Variants in BLZF1 observed in about 807,000 individuals in gnomAD.
BLZF1 encodes basic leucine zipper nuclear factor 1.
Under a neutral mutation model 43.8 loss-of-function variants are expected in BLZF1, and 39 were observed. That is an observed-to-expected ratio of 0.89 (90% CI 0.69 to 1.16). The LOEUF (loss-of-function observed/expected upper bound fraction) is 1.16. Ranked by LOEUF, BLZF1 falls within the 50% of genes most tolerant of loss-of-function variation. BLZF1 has a pLI of 0.00. For synonymous variants in BLZF1, 136 were observed against 159.4 expected (o/e 0.85, Z 1.11); for missense variants, 449 against 469.8 (o/e 0.96, Z 0.41).
intron 1 of BLZF1, among the ~76,000 whole-genome samples, chr1:169,368,567 C>T (rs1469681178): frequency 6.6e-6 from 1 of 152,202 alleles, no homozygotes; most frequent in African/African-American, 2.4e-5. Context: ...CTACTTACTT[C>T]TTCACCCCCT....
chr1:169,369,671 C>T, intron 2 of BLZF1, 121 bp downstream of exon 2: 1 of 676,538 alleles, frequency 1.5e-6, no homozygotes, highest in Non-Finnish European at 2.5e-6. Flanking sequence ...TTTCAGATCC[C>T]TTTATGTTTA....
At chr1:169,386,920 T>A (rs556966143) in intron 6 of BLZF1, 77 bp from the exon 7 acceptor site, 44 of 990,056 alleles carry the variant, frequency 4.4e-5, no homozygotes, top group South Asian at 4.2e-4. Flanking sequence ...ACTTTATAGG[T>A]AGGTATACAT....
chr1:169,390,274 A>G (rs72702197), downstream of BLZF1, among the ~76,000 whole-genome samples: 2,656 of 152,224 alleles, frequency 0.017, 41 homozygotes, highest in Non-Finnish European at 0.028. Flanking sequence ...GCAATCTAAC[A>G]TAACACCTTA....
intron 6 of BLZF1, among the ~76,000 whole-genome samples, chr1:169,385,837 C>A (rs568692092): frequency 1.3e-5 from 2 of 152,252 alleles, no homozygotes; most frequent in East Asian, 3.9e-4. Context: ...ATCTGCAGGA[C>A]CACATGACCG....
chr1:169,373,646 G>T (rs1382866599), intron 2 of BLZF1, among the ~76,000 whole-genome samples: 1 of 152,168 alleles, frequency 6.6e-6, no homozygotes, highest in South Asian at 2.1e-4. Flanking sequence ...AAGTAGAACA[G>T]TTTAAATAAA....
chr1:169,376,447 C>T, intron 2 of BLZF1, 93 bp from the exon 3 acceptor site: 5 of 1,008,680 alleles, frequency 5.0e-6, no homozygotes, highest in Middle Eastern at 2.3e-4. Context: ...CTTTTTAGTG[C>T]CAGTAATTTT....
At chr1:169,372,287 G>A (rs1286624819) in intron 2 of BLZF1, among the ~76,000 whole-genome samples, 1 of 152,132 alleles carries the variant, frequency 6.6e-6, no homozygotes, top group Admixed American at 6.5e-5. Context: ...ATTTGTATAT[G>A]TTCTGGAAAG....
At position 169,380,556 on chromosome 1, in the gene BLZF1, A is replaced by G. The variant is rs1324835282; in HGVS notation, c.744A>G (p.Gln248=). Residue 248 remains glutamine (Q), a synonymous_variant, in exon 5 of 7, where the codon CAA becomes CAG. Transcript: ENST00000367808. ...ACCGTGATGCACACGGGGCTATACA[A>G]GATCTCCTAAGTGAACGGGAACAGT... ...RQNRDAHGAI[Q]DLLSEREQFR... is the part of the protein sequence containing the mutation. The G allele has an allele frequency of 1.9e-6, 3 of 1,613,000 alleles. No homozygotes were observed. The highest frequency in any genetic ancestry group is 1.7e-6 in the Non-Finnish European group (2 of 1,179,176).
intron 2 of BLZF1, among the ~76,000 whole-genome samples, chr1:169,374,201 AC>A (rs1303009288): frequency 6.3e-4 from 93 of 147,400 alleles, no homozygotes; most frequent in African/African-American, 2.3e-3. Flanking sequence ...CCCTGTCTCT[AC>A]AAAAAAAAAA....
At position 169,388,296 on chromosome 1, in the gene BLZF1, A is replaced by G. The variant is rs1654729609; in HGVS notation, c.*1114A>G. ...TTTTCAAGTGGCAATAAATTTATCT[A>G]CCTTCTTTATTGCGACTATTCCTTT... On this transcript the variant is annotated 3_prime_UTR_variant, in exon 7 of 7. Transcript: ENST00000367808. The G allele has an allele frequency of 6.6e-6, 1 of 152,140 alleles. No individual in the cohort carries two copies. The highest frequency in any genetic ancestry group is 2.4e-5 in the African/African-American group (1 of 41,438). 9.4% of individuals were successfully genotyped at this position (152,140 alleles called of 1,614,324 possible).
At chr1:169,382,470 G>A (rs1172257587) in intron 6 of BLZF1, among the ~76,000 whole-genome samples, 189 bp downstream of exon 6, 1 of 152,006 alleles carries the variant, frequency 6.6e-6, no homozygotes, top group East Asian at 1.9e-4. Context: ...TAACACTACT[G>A]TTCTATTTTT....
intron 2 of BLZF1, among the ~76,000 whole-genome samples, chr1:169,375,391 A>AATATATATATATATATAT (rs1557846915): frequency 1.9e-5 from 1 of 51,840 alleles, no homozygotes; most frequent in Non-Finnish European, 3.7e-5. Context: ...ATATATATAA[A>AATATATATATATATATAT]ACATATATAT....
chr1:169,380,383 G>T, intron 4 of BLZF1, 98 bp from the exon 5 acceptor site: 3 of 1,167,210 alleles, frequency 2.6e-6, no homozygotes, highest in East Asian at 2.5e-5. Flanking sequence ...TTAAATCTTT[G>T]TTAGCTTCTG....
chr1:169,381,494 T>C (rs976082512), intron 5 of BLZF1, among the ~76,000 whole-genome samples: 2 of 152,102 alleles, frequency 1.3e-5, no homozygotes, highest in African/African-American at 4.8e-5. Flanking sequence ...CTTATAAAAA[T>C]TATTCTAGAA....
At chr1:169,369,316 A>G (rs1654020741) in intron 1 of BLZF1, among the ~76,000 whole-genome samples, 157 bp from the exon 2 acceptor site, 1 of 152,130 alleles carries the variant, frequency 6.6e-6, no homozygotes, top group African/African-American at 2.4e-5. Context: ...AGACATAACA[A>G]TGCCTTCTGT....
Position 169,376,728 on chromosome 1 carries a change from G to T in BLZF1, c.217G>T (p.Ala73Ser). The T allele has an allele frequency of 6.2e-7, 1 of 1,613,316 alleles. No individual in the cohort carries two copies. Among genetic ancestry groups the T allele is most frequent in the Non-Finnish European group, 8.5e-7 (1 of 1,179,584 alleles). The change falls in exon 3 of 7, where the codon GCA (alanine) becomes TCA (serine). Residue 73 changes from alanine to serine, a missense_variant. Coordinates refer to ENST00000367808, the MANE Select transcript of BLZF1 (RefSeq NM_001320973.2). ...GCTAGGGAAAATGCTCACTGAAAAA[G>T]CAATGGAAGTTAAAGCTGTAAGAAT... ...LQLGKMLTEK[A>S]MEVKAVRILV...
At chr1:169,384,877 G>A (rs976099691) in intron 6 of BLZF1, among the ~76,000 whole-genome samples, 6 of 152,136 alleles carry the variant, frequency 3.9e-5, no homozygotes, top group African/African-American at 1.4e-4. Context: ...TAAAGGGCTG[G>A]GGACTTTGTG....
chr1:169,377,775 A>G (rs1461381309), intron 3 of BLZF1, among the ~76,000 whole-genome samples: 1 of 152,012 alleles, frequency 6.6e-6, no homozygotes, highest in Non-Finnish European at 1.5e-5. Context: ...ATTCTATTAC[A>G]GTGTCATTGT....
chr1:169,376,506 G>GT (rs746213830), intron 2 of BLZF1, 34 bp from the exon 3 acceptor site: 143 of 1,542,054 alleles, frequency 9.3e-5, no homozygotes, highest in Admixed American at 2.9e-4. Context: ...TTTCTTCTTG[G>GT]TAAGTAGTTT....
Sources: gnomAD v4.1 joint callset for allele counts (sites outside exome capture counted in the v4.1 genomes callset) on GRCh38, gnomAD v4.1.1 for gene constraint, MANE v1.5 for transcripts, NCBI Gene and HGNC (gene_info 2026-07-23, HGNC 2026-07-21) for gene names.